The following SLC26A7 variants were observed in gnomAD, a reference collection of about 807,000 sequenced individuals.
SLC26A7 encodes anion exchange transporter.
Under a neutral mutation model 82.5 loss-of-function variants are expected in SLC26A7, and 59 were observed. That is an observed-to-expected ratio of 0.72 (90% CI 0.58 to 0.89). The LOEUF is 0.89. Among genes scored for constraint, SLC26A7 ranks in the 40% least tolerant of loss-of-function variants. The probability of loss-of-function intolerance (pLI) is 0.00; values close to 1 mark genes in which losing one functional copy is unlikely to be tolerated. For synonymous variants in SLC26A7, 271 were observed against 274.3 expected (o/e 0.99, Z 0.12); for missense variants, 820 against 793.0 (o/e 1.03, Z -0.41).
At chr8:91,315,927 A>G (rs1409382495) in intron 4 of SLC26A7, among the ~76,000 whole-genome samples, 1 of 152,110 alleles carries the variant, frequency 6.6e-6, no homozygotes, top group Non-Finnish European at 1.5e-5. Flanking sequence ...GGCAAATATC[A>G]CTCTAATAAT....
chr8:91,267,444 A>G (rs551590878), intron 2 of SLC26A7, among the ~76,000 whole-genome samples: 2 of 151,962 alleles, frequency 1.3e-5, no homozygotes, highest in East Asian at 3.9e-4. Flanking sequence ...ATTACTAATT[A>G]TTGGTCTGTT....
chr8:91,379,233 C>G (rs1052526560), intron 15 of SLC26A7, among the ~76,000 whole-genome samples: 3 of 151,932 alleles, frequency 2.0e-5, no homozygotes, highest in Non-Finnish European at 2.9e-5. Flanking sequence ...TATCAAAAAG[C>G]ATAATTTCTA....
intron 15 of SLC26A7, among the ~76,000 whole-genome samples, chr8:91,379,936 T>TA (rs932498119): frequency 7.6e-4 from 116 of 151,674 alleles, no homozygotes; most frequent in African/African-American, 2.5e-3. Context: ...AATCAACGAG[T>TA]AAAAAAAGGC....
chr8:91,229,346 A>G (rs1810282442), intron 2 of SLC26A7, among the ~76,000 whole-genome samples: 1 of 152,132 alleles, frequency 6.6e-6, no homozygotes, highest in Admixed American at 6.5e-5. Flanking sequence ...GTCTTGCTCC[A>G]CTATAGTGTA....
chr8:91,350,750 T>A (rs188523631), intron 9 of SLC26A7, among the ~76,000 whole-genome samples: 171 of 152,274 alleles, frequency 1.1e-3, no homozygotes, highest in Non-Finnish European at 1.7e-3. Flanking sequence ...TTATTTATGA[T>A]TTTGGCATTT....
intron 2 of SLC26A7, among the ~76,000 whole-genome samples, chr8:91,273,958 A>C (rs1811339326): frequency 6.6e-6 from 1 of 152,200 alleles, no homozygotes; most frequent in Non-Finnish European, 1.5e-5. Flanking sequence ...ATTTGGAGAC[A>C]CCATAAGAGC....
intron 6 of SLC26A7, 116 bp downstream of exon 6, chr8:91,334,563 T>A: frequency 1.2e-6 from 1 of 858,566 alleles, no homozygotes; most frequent in Non-Finnish European, 1.7e-6. Context: ...CTGTCTCTCA[T>A]TAAAGCAGGG....
chr8:91,323,816 A>ATTTTT (rs1812860217), intron 5 of SLC26A7, among the ~76,000 whole-genome samples: 2 of 107,004 alleles, frequency 1.9e-5, no homozygotes, highest in African/African-American at 7.3e-5. Flanking sequence ...CTTTTTTCTT[A>ATTTTT]TCTTTTTTTT....
At chr8:91,245,883 A>G (rs889626793), upstream of SLC26A7, among the ~76,000 whole-genome samples, 1 of 152,068 alleles carries the variant, frequency 6.6e-6, no homozygotes, top group Admixed American at 6.6e-5. Flanking sequence ...ACCCTCTACA[A>G]ATTCTCTCTG....
In SLC26A7 at chr8:91,395,152, A is replaced by C. The variant is rs1457170096; in HGVS notation, c.*55A>C. The C allele has an allele frequency of 1.2e-6, 2 of 1,608,568 alleles. No individual in the cohort carries two copies. The highest frequency in any genetic ancestry group is 8.5e-7 in the Non-Finnish European group (1 of 1,177,844). ...TTTACCAACTGCCTGAAGAGGCCAT[A>C]TGCTGGCATTTTGCACAACTTTTTG... On this transcript the variant is annotated 3_prime_UTR_variant, in exon 19 of 19. Transcript: ENST00000276609.
chr8:91,361,466 A>G (rs1289443333), intron 11 of SLC26A7, among the ~76,000 whole-genome samples: 6 of 152,158 alleles, frequency 3.9e-5, no homozygotes, highest in Non-Finnish European at 8.8e-5. Context: ...TAAATGTAGA[A>G]TTGCAGTCAG....
At chr8:91,369,466 A>C in intron 14 of SLC26A7, among the ~76,000 whole-genome samples, 1 of 151,624 alleles carries the variant, frequency 6.6e-6, no homozygotes. Flanking sequence ...ATGATTTCTG[A>C]TTGAATATGC....
Position 91,377,691 on chromosome 8 carries a change from C to A in SLC26A7, c.1675+7858C>A, listed in dbSNP as rs564831062. The stretch of plus-strand genomic sequence containing the variant: ...GCACAGTCACAAGAGCAGAGGGACA[C>A]CCTAAGAGTTTGGTGGTCTGCAGAT... On this transcript the variant is annotated intron_variant, in intron 15 of 18. Coordinates refer to ENST00000276609, the MANE Select transcript of SLC26A7 (RefSeq NM_052832.4). Among the ~76,000 whole-genome samples, 6 of 152,296 alleles carry A rather than the reference C, an allele frequency of 3.9e-5. No individual in the cohort carries two copies. The East Asian group carries it at 9.6e-4, about 24-fold the overall frequency.
intron 4 of SLC26A7, among the ~76,000 whole-genome samples, chr8:91,300,624 C>CT (rs1482522791): frequency 6.6e-6 from 1 of 152,132 alleles, no homozygotes; most frequent in Non-Finnish European, 1.5e-5. Context: ...GTCTCGATCT[C>CT]CTGACCTCGT....
chr8:91,338,445 C>T (rs1437847845), intron 7 of SLC26A7, among the ~76,000 whole-genome samples: 3 of 152,118 alleles, frequency 2.0e-5, no homozygotes, highest in South Asian at 2.1e-4. Context: ...CTTTATGCAG[C>T]ATTGCTTCAG....
chr8:91,267,543 G>A (rs1811147466), intron 2 of SLC26A7, among the ~76,000 whole-genome samples: 1 of 151,588 alleles, frequency 6.6e-6, no homozygotes, highest in Non-Finnish European at 1.5e-5. Context: ...CAATTCATTG[G>A]TCAATAGTTG....
In SLC26A7 at chr8:91,218,781, C is replaced by T. The variant is rs984294176; in HGVS notation, c.-149-109C>T. ...CAAATCAAGCATAAATAGAATAGTG[C>T]GTCTTTAGAAGTCAATGTTCTGAAA... On this transcript the variant is annotated intron_variant, in intron 1 of 5. Coordinates refer to the SLC26A7 transcript ENST00000522862. The T allele has an allele frequency of 6.4e-5, 40 of 628,458 alleles. No individual in the cohort carries two copies. In the East Asian group the frequency reaches 8.8e-4, roughly 14 times the overall value. The allele number at this position is 628,458 out of a possible 1,614,324, so 38.9% of individuals were successfully genotyped here. A position where few individuals can be genotyped will look rare whatever the true frequency, so the allele number is the denominator to read the frequency against.
At chr8:91,337,999 TTTTA>T (rs1813292233) in intron 6 of SLC26A7, 147 bp from the exon 7 acceptor site, 1 of 456,680 alleles carries the variant, frequency 2.2e-6, no homozygotes, top group East Asian at 3.5e-5. Flanking sequence ...ACTTTTAATA[TTTTA>T]TTTATTTTTG....
intron 2 of SLC26A7, among the ~76,000 whole-genome samples, chr8:91,234,841 T>G (rs1212563789): frequency 6.7e-6 from 1 of 149,106 alleles, no homozygotes; most frequent in Non-Finnish European, 1.5e-5. Flanking sequence ...CCTTCCTTCC[T>G]TCCTTCCTTC....
Sources: allele counts gnomAD v4.1 joint callset (sites outside exome capture counted in the v4.1 genomes callset), GRCh38; gene constraint gnomAD v4.1.1; transcripts MANE v1.5; gene names NCBI Gene and HGNC (gene_info 2026-07-23, HGNC 2026-07-21).